Variants in ADAM12 observed in about 807,000 individuals in gnomAD.
ADAM12 encodes disintegrin and metalloproteinase domain-containing protein 12.
A neutral mutation model predicts 106.4 loss-of-function variants in ADAM12; 70 were observed. The observed-to-expected ratio is 0.66, with a 90% CI of 0.54 to 0.80. The LOEUF (loss-of-function observed/expected upper bound fraction) is 0.80. Ranked by LOEUF, ADAM12 falls within the 30% of genes least tolerant of loss-of-function variation. The probability of loss-of-function intolerance (pLI) is 0.00; values close to 1 mark genes in which losing one functional copy is unlikely to be tolerated. For synonymous variants in ADAM12, 420 were observed against 433.5 expected (o/e 0.97, Z 0.39); for missense variants, 1,010 against 1,171.9 (o/e 0.86, Z 2.02).
At chr10:126,216,866 C>T (rs1957997230) in intron 3 of ADAM12, among the ~76,000 whole-genome samples, 1 of 152,192 alleles carries the variant, frequency 6.6e-6, no homozygotes, top group Admixed American at 6.5e-5. Flanking sequence ...ATGAGGTACC[C>T]CCAAAGGGCT....
chr10:126,314,762 ACTC>A (rs1961273044), intron 2 of ADAM12, among the ~76,000 whole-genome samples: 1 of 152,044 alleles, frequency 6.6e-6, no homozygotes, highest in South Asian at 2.1e-4. Context: ...TAATCTGAAA[ACTC>A]CTCAACCCAA....
intron 1 of ADAM12, among the ~76,000 whole-genome samples, chr10:126,379,746 ATT>A (rs66488807): frequency 1.3e-4 from 19 of 150,526 alleles, no homozygotes; most frequent in Middle Eastern, 3.4e-3. Context: ...CAGTATTTCA[ATT>A]TTTTTTTTTA....
chr10:126,126,962 T>C (rs1278315), intron 5 of ADAM12, among the ~76,000 whole-genome samples: 98,761 of 151,948 alleles, frequency 0.65, 32,598 homozygotes, highest in East Asian at 0.77. Flanking sequence ...CAGTGGGGCC[T>C]GGGGAGAGCT....
At chr10:126,075,620 C>G (rs921492237) in intron 11 of ADAM12, among the ~76,000 whole-genome samples, 1 of 152,130 alleles carries the variant, frequency 6.6e-6, no homozygotes, top group African/African-American at 2.4e-5. Flanking sequence ...ACCAGGAAAC[C>G]TCACCAGTAA....
chr10:126,250,574 G>A (rs115245621), intron 3 of ADAM12, among the ~76,000 whole-genome samples: 1,612 of 152,230 alleles, frequency 0.011, 27 homozygotes, highest in African/African-American at 0.035. Context: ...ATTTTTTTGT[G>A]GCTTGGGGAA....
intron 3 of ADAM12, among the ~76,000 whole-genome samples, chr10:126,218,863 AG>A (rs927146372): frequency 6.6e-6 from 1 of 152,220 alleles, no homozygotes; most frequent in Non-Finnish European, 1.5e-5. Context: ...TTATGATAAA[AG>A]TGAGACATTT....
At chr10:126,369,939 T>C (rs572435354) in intron 1 of ADAM12, among the ~76,000 whole-genome samples, 1 of 152,314 alleles carries the variant, frequency 6.6e-6, no homozygotes, top group South Asian at 2.1e-4. Context: ...TTATACAACT[T>C]GTGATTCTGT....
At chr10:126,098,961 G>T (rs765902328) in intron 9 of ADAM12, among the ~76,000 whole-genome samples, 1 of 152,188 alleles carries the variant, frequency 6.6e-6, no homozygotes, top group Non-Finnish European at 1.5e-5. Flanking sequence ...CTTTCAAATT[G>T]TCCCGCTAAG....
chr10:126,362,763 T>C (rs1468372922), intron 1 of ADAM12, among the ~76,000 whole-genome samples: 1 of 152,124 alleles, frequency 6.6e-6, no homozygotes, highest in East Asian at 1.9e-4. Flanking sequence ...AGTAGAATGG[T>C]GGTTACCAAA....
intron 3 of ADAM12, among the ~76,000 whole-genome samples, chr10:126,254,725 C>T (rs1958856430): frequency 6.6e-6 from 1 of 152,144 alleles, no homozygotes; most frequent in Non-Finnish European, 1.5e-5. Flanking sequence ...TCACATGCTC[C>T]CAGGCCTCCT....
intron 4 of ADAM12, among the ~76,000 whole-genome samples, chr10:126,141,220 C>G (rs1956505377): frequency 6.6e-6 from 1 of 152,230 alleles, no homozygotes; most frequent in Non-Finnish European, 1.5e-5. Context: ...GTGGCCACAA[C>G]CCTCTGCAGA....
chr10:126,109,509 C>T (rs1257253403), intron 7 of ADAM12, among the ~76,000 whole-genome samples: 1 of 152,186 alleles, frequency 6.6e-6, no homozygotes, highest in East Asian at 1.9e-4. Context: ...TCATTCCTCT[C>T]AGTTAATTCT....
At chr10:126,306,167 G>T (rs1164319492) in intron 2 of ADAM12, among the ~76,000 whole-genome samples, 1 of 151,192 alleles carries the variant, frequency 6.6e-6, no homozygotes, top group Non-Finnish European at 1.5e-5. Context: ...TATTTTTCCT[G>T]TTTTTTTAAA....
At chr10:126,023,618 T>A (rs568537608) in intron 21 of ADAM12, among the ~76,000 whole-genome samples, 15 of 152,300 alleles carry the variant, frequency 9.8e-5, no homozygotes, top group African/African-American at 3.6e-4. Flanking sequence ...GTTAAGAATC[T>A]TCTAGAAGTA....
intron 2 of ADAM12, among the ~76,000 whole-genome samples, chr10:126,304,714 G>T (rs967517337): frequency 6.6e-6 from 1 of 151,718 alleles, no homozygotes; most frequent in Non-Finnish European, 1.5e-5. Context: ...CTACACAATC[G>T]ACTTGTATCC....
At chr10:126,372,143 C>G (rs1412690288) in intron 1 of ADAM12, among the ~76,000 whole-genome samples, 1 of 152,130 alleles carries the variant, frequency 6.6e-6, no homozygotes, top group Non-Finnish European at 1.5e-5. Context: ...TCTGCCACCC[C>G]CTCTGTCAAG....
intron 3 of ADAM12, among the ~76,000 whole-genome samples, chr10:126,177,042 G>GCA (rs150341109): frequency 0.066 from 9,981 of 150,692 alleles, 607 homozygotes; most frequent in African/African-American, 0.15. Flanking sequence ...GTGCACATGT[G>GCA]CACACACACA....
chr10:126,085,483 C>T (rs1272489743), intron 11 of ADAM12, among the ~76,000 whole-genome samples: 1 of 152,160 alleles, frequency 6.6e-6, no homozygotes, highest in African/African-American at 2.4e-5. Flanking sequence ...CCCACCCAGC[C>T]AACGTCTATC....
At chr10:126,103,914 A>G (rs914790294) in intron 8 of ADAM12, among the ~76,000 whole-genome samples, 7 of 152,222 alleles carry the variant, frequency 4.6e-5, no homozygotes, top group African/African-American at 1.7e-4. Context: ...CCAAATGCTC[A>G]GAGGTCACCA....
Sources: gnomAD v4.1 joint callset for allele counts (sites outside exome capture counted in the v4.1 genomes callset) on GRCh38, gnomAD v4.1.1 for gene constraint, MANE v1.5 for transcripts, NCBI Gene and HGNC (gene_info 2026-07-23, HGNC 2026-07-21) for gene names.